The following ADCY10 variants were observed in gnomAD, a reference collection of about 807,000 sequenced individuals.
ADCY10 encodes the protein adenylate cyclase 10.
Under a neutral mutation model 183.3 loss-of-function variants are expected in ADCY10, and 156 were observed. The observed-to-expected ratio is 0.85, with a 90% CI of 0.75 to 0.97. The LOEUF (loss-of-function observed/expected upper bound fraction) is 0.97, where lower values mean the gene tolerates loss of function less well. Among genes scored for constraint, ADCY10 ranks in the 50% least tolerant of loss-of-function variants. The probability of loss-of-function intolerance (pLI) is 0.00; values close to 1 mark genes in which losing one functional copy is unlikely to be tolerated. For synonymous variants in ADCY10, 645 were observed against 670.0 expected, an observed-to-expected ratio of 0.96 and a Z score of 0.58; for missense variants, 1,745 against 1,934.3, an observed-to-expected ratio of 0.90 and a Z score of 1.84.
At chr1:167,905,366 C>A (rs948030694) in intron 1 of ADCY10, among the ~76,000 whole-genome samples, 168 bp from the exon 2 acceptor site, 2 of 152,160 alleles carry the variant, frequency 1.3e-5, no homozygotes, top group East Asian at 1.9e-4. Flanking sequence ...AGAGGAAGAA[C>A]CCTCCCACCC....
chr1:167,865,992 TC>T (rs1280330516), intron 14 of ADCY10, among the ~76,000 whole-genome samples: 1 of 152,218 alleles, frequency 6.6e-6, no homozygotes, highest in Non-Finnish European at 1.5e-5. Flanking sequence ...AACACTAAGT[TC>T]ACTTCATGTC....
intron 13 of ADCY10, among the ~76,000 whole-genome samples, chr1:167,874,486 T>C (rs1667316545): frequency 6.6e-6 from 1 of 152,180 alleles, no homozygotes; most frequent in South Asian, 2.1e-4. Flanking sequence ...AACTAAGTTG[T>C]TGCCAAAGAT....
intron 24 of ADCY10, 112 bp from the exon 25 acceptor site, chr1:167,833,274 TG>T: frequency 5.8e-6 from 6 of 1,027,000 alleles, no homozygotes; most frequent in Non-Finnish European, 9.0e-6. Context: ...AGGTAATTTA[TG>T]GACCAGAAAC....
intron 13 of ADCY10, among the ~76,000 whole-genome samples, chr1:167,870,630 T>C (rs1571356627): frequency 1.2e-5 from 1 of 86,562 alleles, no homozygotes; most frequent in African/African-American, 5.1e-5. Flanking sequence ...CTGCCTCTAC[T>C]GAAAATACAA....
chr1:167,841,995 G>A (rs1488176357), intron 21 of ADCY10, among the ~76,000 whole-genome samples: 6 of 152,212 alleles, frequency 3.9e-5, no homozygotes, highest in African/African-American at 1.2e-4. Flanking sequence ...GGTGGAAGAA[G>A]CTGAAGGACA....
chr1:167,856,372 C>A lies in ADCY10; in HGVS notation c.1964G>T (p.Arg655Ile), dbSNP rs1452272941. The A allele has an allele frequency of 6.2e-7, 1 of 1,614,118 alleles. No individual in the cohort carries two copies. The highest frequency in any genetic ancestry group is 8.5e-7 in the Non-Finnish European group (1 of 1,180,002). The change falls in exon 17 of 33, where the codon AGA becomes ATA. Residue 655 changes from arginine (R) to isoleucine (I), a missense_variant. Transcript: ENST00000367851. ...AGTCCGGATAAGCTTCTCCATAAAT[C>A]TCCAGGAGGTCGAATCCACAAACTG... is the stretch of plus-strand genomic sequence containing the variant. ...EAQFVDSTSW[R>I]FMEKLIRTLP... is the part of the protein sequence containing the mutation.
chr1:167,846,315 T>A (rs1665026374), intron 19 of ADCY10, 52 bp from the exon 20 acceptor site: 4 of 1,603,756 alleles, frequency 2.5e-6, no homozygotes, highest in Non-Finnish European at 3.4e-6. Context: ...CTTTATCTAA[T>A]ATGCTGTATT....
chr1:167,893,801 C>G, intron 8 of ADCY10, 52 bp downstream of exon 8: 1 of 1,227,204 alleles, frequency 8.1e-7, no homozygotes, highest in Non-Finnish European at 1.2e-6. Context: ...AAAATTCCAG[C>G]TGTCCAGATC....
In ADCY10 at chr1:167,901,673, C is replaced by G. The variant is rs769019873; in HGVS notation, c.425G>C (p.Arg142Pro). Residue 142 changes from arginine to proline, a missense_variant, in exon 5 of 33, where the codon CGA (arginine) becomes CCA (proline). Transcript: ENST00000367851. ...TCTCAAATGCTTACCTATCTTGACT[C>G]GGATGTCTAGGCCTTCTTCCCACTC... ...TQEWEEGLDI[R>P]VKIGLAAGHI... is the part of the protein sequence containing the mutation. The G allele has an allele frequency of 1.9e-6, 3 of 1,614,010 alleles. No individual in the cohort carries two copies. In the Middle Eastern group the frequency reaches 4.9e-4, roughly 265 times the overall value.
intron 6 of ADCY10, among the ~76,000 whole-genome samples, chr1:167,898,594 G>GT (rs67534872): frequency 0.067 from 9,853 of 146,584 alleles, 383 homozygotes; most frequent in Middle Eastern, 0.11. Flanking sequence ...GCGAGACTCC[G>GT]TTTTTTTTTT....
chr1:167,880,753 T>C, intron 9 of ADCY10, 144 bp from the exon 10 acceptor site: 1 of 712,804 alleles, frequency 1.4e-6, no homozygotes, highest in Non-Finnish European at 2.5e-6. Flanking sequence ...ATTTTATTTT[T>C]AGTACACTTC....
intron 18 of ADCY10, among the ~76,000 whole-genome samples, chr1:167,852,514 A>G (rs954741986): frequency 1.3e-5 from 2 of 152,196 alleles, no homozygotes; most frequent in African/African-American, 4.8e-5. Flanking sequence ...ACAAATGTAT[A>G]AAATTTAGAA....
intron 18 of ADCY10, among the ~76,000 whole-genome samples, chr1:167,852,449 A>G (rs997718700): frequency 6.6e-6 from 1 of 152,182 alleles, no homozygotes; most frequent in Non-Finnish European, 1.5e-5. Context: ...GTCTCAAAAA[A>G]AAAAGCTCAT....
rs114772364 is a variant in ADCY10, at chr1:167,895,743, T to C, written c.739+852A>G. On this transcript the variant is annotated intron_variant, in intron 7 of 32. Coordinates refer to ENST00000367851, the MANE Select transcript of ADCY10 (RefSeq NM_018417.6). ...TAAGCAACTTGCAGGACCTTGAGAG[T>C]GAGTGTCTGCTTAAGTTTTGTGATA... Among the ~76,000 whole-genome samples the C allele has an allele frequency of 4.7e-3, 710 of 152,188 alleles. 4 individuals carry two copies. The highest frequency in any genetic ancestry group is 0.015 in the African/African-American group (608 of 41,518).
chr1:167,897,997 C>CAAAAAA (rs1163013935), intron 6 of ADCY10, among the ~76,000 whole-genome samples: 1 of 17,390 alleles, frequency 5.8e-5, no homozygotes, highest in African/African-American at 3.1e-4. Context: ...GACTCTGTCT[C>CAAAAAA]AAAAAAAAAA....
chr1:167,824,261 T>G (rs975258060), intron 28 of ADCY10, among the ~76,000 whole-genome samples: 7 of 152,112 alleles, frequency 4.6e-5, no homozygotes, highest in Admixed American at 1.3e-4. Context: ...AGGCAGAGGT[T>G]GCAGTGAGCC....
At chr1:167,820,367 G>T (rs1662823173) in intron 30 of ADCY10, 6 of 615,926 alleles carry the variant, frequency 9.7e-6, no homozygotes, top group South Asian at 2.4e-5. Context: ...GCCAGCCCGC[G>T]CCTCGCCTAG....
At chr1:167,814,265 A>G (rs1662383839) in intron 31 of ADCY10, among the ~76,000 whole-genome samples, 1 of 152,070 alleles carries the variant, frequency 6.6e-6, no homozygotes, top group African/African-American at 2.4e-5. Context: ...TGGAAAGTGA[A>G]GATAGAAAAA....
At chr1:167,901,450 C>G (rs1257230038) in intron 5 of ADCY10, among the ~76,000 whole-genome samples, 1 of 152,098 alleles carries the variant, frequency 6.6e-6, no homozygotes, top group African/African-American at 2.4e-5. Flanking sequence ...TTTGTAATAG[C>G]TTATTAGGTA....
Sources: allele counts gnomAD v4.1 joint callset (sites outside exome capture counted in the v4.1 genomes callset), GRCh38; gene constraint gnomAD v4.1.1; transcripts MANE v1.5; gene names NCBI Gene and HGNC (gene_info 2026-07-23, HGNC 2026-07-21).